The following POGZ variants were observed in gnomAD, a reference collection of about 807,000 sequenced individuals.
The protein encoded by POGZ is pogo transposable element derived with ZNF domain.
POGZ carries 17 observed loss-of-function variants against 134.6 expected under a neutral mutation model. The observed-to-expected ratio is 0.13, with a 90% confidence interval of 0.09 to 0.19. The LOEUF (loss-of-function observed/expected upper bound fraction) is 0.19. POGZ is among the 10% of genes least tolerant of loss of function. The probability of loss-of-function intolerance (pLI) is 1.00; values close to 1 mark genes in which losing one functional copy is unlikely to be tolerated. For missense variants in POGZ, 1,306 were observed against 1,769.7 expected (o/e 0.74, Z 4.70); for synonymous variants, 693 against 657.1 (o/e 1.05, Z -0.84).
At chr1:151,408,075 A>C in intron 15 of POGZ, 25 bp downstream of exon 15, 1 of 1,583,840 alleles carries the variant, frequency 6.3e-7, no homozygotes, top group Non-Finnish European at 8.6e-7. Context: ...TCTCAAGCTA[A>C]AACACTGGTT....
chr1:151,412,394 T>C lies in POGZ; in HGVS notation c.1681A>G (p.Lys561Glu). Residue 561 changes from lysine to glutamate, a missense_variant and splice_region_variant, in exon 11 of 19, where the codon AAG becomes GAG. Physicochemically the swap from Lys to Glu is moderately conservative, Grantham distance 56 (BLOSUM62 1). Transcript: ENST00000271715. ...NVHSPYESTTKCKICEWAFES... is the reference protein window; with the variant it reads ...NVHSPYESTTECKICEWAFES... ...AACGCCCATTCACAGATCTTGCACT[T>C]GGCTGTAAGAAGAAAAGTAATCAAT... is the stretch of plus-strand genomic sequence containing the variant. 6.4e-7 allele frequency: 1 copy of C among 1,572,674 alleles called. No homozygotes were observed. Among genetic ancestry groups the C allele is most frequent in the Non-Finnish European group, 8.7e-7 (1 of 1,143,664 alleles).
chr1:151,433,790 A>C (rs1048669513), intron 3 of POGZ, among the ~76,000 whole-genome samples: 3 of 152,174 alleles, frequency 2.0e-5, no homozygotes, highest in Non-Finnish European at 2.9e-5. Context: ...TCTTTGCTCA[A>C]AGGAATTCTG....
Position 151,412,330 on chromosome 1 carries a change from G to C in POGZ, c.1745C>G (p.Thr582Ser). ...ATAAGGCATCTCTCCAGGCTTATGA[G>C]TATCCTTCATATGCTGGAGAAATAG... is the stretch of plus-strand genomic sequence containing the variant. The part of the protein sequence containing the change: ...EPLFLQHMKD[T>S]HKPGEMPYVC... Residue 582 changes from threonine to serine, a missense_variant, in exon 11 of 19, where the codon ACT (threonine) becomes AGT (serine). Physicochemically the swap from Thr to Ser is moderately conservative, Grantham distance 58. Transcript: ENST00000271715. 1.9e-6 allele frequency: 3 copies of C among 1,607,322 alleles called. No homozygotes were observed. Among genetic ancestry groups the C allele is most frequent in the Non-Finnish European group, 2.6e-6 (3 of 1,174,108 alleles).
intron 1 of POGZ, among the ~76,000 whole-genome samples, chr1:151,458,501 ATCAC>A (rs1350884021): frequency 2.6e-5 from 4 of 151,972 alleles, no homozygotes; most frequent in African/African-American, 9.7e-5. Context: ...CGGCTCAGCA[ATCAC>A]TCATTTTCCT....
chr1:151,457,701 C>T (rs1316915353), intron 1 of POGZ, among the ~76,000 whole-genome samples: 1 of 152,036 alleles, frequency 6.6e-6, no homozygotes, highest in African/African-American at 2.4e-5. Flanking sequence ...CCAAGGCGGG[C>T]GGATCACCTG....
In POGZ at chr1:151,413,973, C is replaced by A. The variant is rs111845054; in HGVS notation, c.1679-1577G>T. On this transcript the variant is annotated intron_variant, in intron 10 of 18. Coordinates refer to ENST00000271715, the MANE Select transcript of POGZ (RefSeq NM_015100.4). Reference sequence around the variant, plus strand: ...GCAAAAGAGTAAAATGTAGATTTTTCTAGGAAGAGGATTCAAACATTTCAT... The same window carrying A: ...GCAAAAGAGTAAAATGTAGATTTTTATAGGAAGAGGATTCAAACATTTCAT... Among the ~76,000 whole-genome samples the A allele has an allele frequency of 1.3e-3, 195 of 152,234 alleles. 1 individual carries two copies. The highest frequency in any genetic ancestry group is 4.5e-3 in the African/African-American group (186 of 41,538).
At chr1:151,431,474 C>T (rs1658685263) in intron 3 of POGZ, among the ~76,000 whole-genome samples, 1 of 152,160 alleles carries the variant, frequency 6.6e-6, no homozygotes, top group Non-Finnish European at 1.5e-5. Context: ...TCAGCAAGCA[C>T]ACAGAATCTA....
chr1:151,421,038 C>A, intron 10 of POGZ, among the ~76,000 whole-genome samples: 2 of 147,834 alleles, frequency 1.4e-5, no homozygotes, highest in Admixed American at 6.7e-5. Context: ...ATAAATTAGG[C>A]AAAGAGATTA....
Position 151,424,224 on chromosome 1 carries a change from A to C in POGZ, c.1248T>G (p.Ser416Arg). ...ATGGGGGCTTTGCTGCTGATGGGAC[A>C]CTGGGTTCTGAATCCAGGGACTTTC... is the stretch of plus-strand genomic sequence containing the variant. ...KKGKSLDSEP[S>R]VPSAAKPPSP... is the part of the protein sequence containing the mutation. Residue 416 changes from serine (S) to arginine (R), a missense_variant, in exon 9 of 19, where the codon AGT (serine) becomes AGG (arginine). Physicochemically the swap from Ser to Arg is moderately radical, Grantham distance 110 (BLOSUM62 -1). Coordinates refer to ENST00000271715, the MANE Select transcript of POGZ (RefSeq NM_015100.4). The C allele has an allele frequency of 1.2e-6, 2 of 1,613,710 alleles. No individual in the cohort carries two copies. Among genetic ancestry groups the C allele is most frequent in the Non-Finnish European group, 1.7e-6 (2 of 1,179,750 alleles).
At position 151,404,880 on chromosome 1, in the gene POGZ, G is replaced by A; in HGVS notation, c.4155C>T (p.His1385=). 4 of 1,614,154 alleles carry A rather than the reference G, an allele frequency of 2.5e-6. No homozygotes were observed. The highest frequency in any genetic ancestry group is 2.5e-6 in the Non-Finnish European group (3 of 1,180,036). ...TCTCACTTTCACCCTCAAAGAGCTG[G>A]TGAAGACTTTCAGGCTCAATTGTCT... ...PEETIEPESL[H]QLFEGESETE... The change falls in exon 19 of 19, where the codon CAC becomes CAT. Residue 1385 remains histidine, a synonymous_variant. Transcript: ENST00000271715.
chr1:151,417,446 C>T (rs1318592929), intron 10 of POGZ, among the ~76,000 whole-genome samples: 1 of 151,640 alleles, frequency 6.6e-6, no homozygotes, highest in African/African-American at 2.4e-5. Flanking sequence ...CTGCAACCTC[C>T]GCCTCCCGGG....
intron 10 of POGZ, among the ~76,000 whole-genome samples, chr1:151,419,679 A>AAC (rs936647095): frequency 6.9e-6 from 1 of 145,002 alleles, no homozygotes; most frequent in Non-Finnish European, 1.5e-5. Flanking sequence ...AAAAAAAAAA[A>AAC]AAAAAAAAAA....
intron 7 of POGZ, 97 bp downstream of exon 7, chr1:151,427,726 T>A (rs945077460): frequency 3.6e-6 from 3 of 828,552 alleles, no homozygotes; most frequent in African/African-American, 3.4e-5. Flanking sequence ...GTATTTTATT[T>A]TATTTTTCTA....
intron 10 of POGZ, among the ~76,000 whole-genome samples, chr1:151,422,109 T>C (rs1234640364): frequency 6.6e-6 from 1 of 152,200 alleles, no homozygotes; most frequent in Non-Finnish European, 1.5e-5. Flanking sequence ...ATCCAGATAA[T>C]ATGCATATGT....
chr1:151,429,539 A>T, intron 5 of POGZ, 64 bp downstream of exon 5: 1 of 793,904 alleles, frequency 1.3e-6, no homozygotes, highest in Non-Finnish European at 2.2e-6. Flanking sequence ...TAGGATATTT[A>T]GAACAATAAA....
chr1:151,427,234 A>C (rs1249534846), intron 7 of POGZ: 3 of 153,340 alleles, frequency 2.0e-5, no homozygotes, highest in African/African-American at 7.2e-5. Context: ...TGGTTGAAAT[A>C]AAAGAATAAA....
chr1:151,455,913 T>C (rs1662717413), intron 1 of POGZ, among the ~76,000 whole-genome samples: 1 of 149,782 alleles, frequency 6.7e-6, no homozygotes, highest in African/African-American at 2.4e-5. Context: ...TTTTTTTTTT[T>C]TTTTTAATAA....
intron 1 of POGZ, among the ~76,000 whole-genome samples, chr1:151,449,608 C>T (rs1661759294): frequency 6.6e-6 from 1 of 152,140 alleles, no homozygotes; most frequent in Admixed American, 6.5e-5. Context: ...AAATATTTGT[C>T]CTCTCAGGCC....
At chr1:151,448,336 GT>G (rs751720811) in intron 1 of POGZ, among the ~76,000 whole-genome samples, 1 of 152,106 alleles carries the variant, frequency 6.6e-6, no homozygotes, top group Non-Finnish European at 1.5e-5. Flanking sequence ...TTTTGGCTGG[GT>G]GTGGTGGCTC....
Sources: gnomAD v4.1 joint callset for allele counts (sites outside exome capture counted in the v4.1 genomes callset) on GRCh38, gnomAD v4.1.1 for gene constraint, MANE v1.5 for transcripts, NCBI Gene and HGNC (gene_info 2026-07-23, HGNC 2026-07-21) for gene names.